The following ADGRL2 variants were observed in gnomAD, a reference collection of about 807,000 sequenced individuals.
ADGRL2 encodes the protein calcium-independent alpha-latrotoxin receptor 2.
In ADGRL2, 44 loss-of-function variants were observed where a neutral mutation model predicts 157.4. The ratio of observed to expected loss-of-function variants is 0.28; its 90% CI spans 0.22 to 0.36. The LOEUF (loss-of-function observed/expected upper bound fraction) is 0.36. Among genes scored for constraint, ADGRL2 ranks in the 10% least tolerant of loss-of-function variants. The probability of loss-of-function intolerance (pLI) is 1.00; values close to 1 mark genes in which losing one functional copy is unlikely to be tolerated. For missense variants in ADGRL2, 1,510 were observed against 1,768.9 expected (o/e 0.85, Z 2.63); for synonymous variants, 585 against 624.7 (o/e 0.94, Z 0.95).
At chr1:81,822,347 G>T (rs1490615402) in intron 1 of ADGRL2, among the ~76,000 whole-genome samples, 2 of 151,536 alleles carry the variant, frequency 1.3e-5, no homozygotes, top group Non-Finnish European at 2.9e-5. Flanking sequence ...AGGCTACCTT[G>T]TTAAGAAGTT....
intron 1 of ADGRL2, among the ~76,000 whole-genome samples, chr1:81,333,803 G>C (rs1021568024): frequency 3.3e-5 from 5 of 152,038 alleles, no homozygotes; most frequent in African/African-American, 9.7e-5. Flanking sequence ...AAATGTAATG[G>C]AAAGTTATAG....
At chr1:81,746,973 T>C (rs1431786290) in intron 1 of ADGRL2, among the ~76,000 whole-genome samples, 3 of 138,620 alleles carry the variant, frequency 2.2e-5, no homozygotes, top group African/African-American at 5.5e-5. Flanking sequence ...TACACACGTA[T>C]ACACACGTGT....
intron 3 of ADGRL2, among the ~76,000 whole-genome samples, chr1:81,675,178 T>A (rs992912973): frequency 4.1e-5 from 6 of 147,354 alleles, no homozygotes; most frequent in African/African-American, 1.5e-4. Context: ...AGAGCATAAC[T>A]TTTTTTGTTT....
At position 81,969,289 on chromosome 1, in the gene ADGRL2, C is replaced by A; in HGVS notation, c.2635C>A (p.Leu879Ile). 1 of 1,613,924 alleles carries A rather than the reference C, an allele frequency of 6.2e-7. No homozygotes were observed. Among genetic ancestry groups the A allele is most frequent in the Non-Finnish European group, 8.5e-7 (1 of 1,179,870 alleles). Residue 879 changes from leucine (L) to isoleucine (I), a missense_variant, in exon 15 of 24, where the codon CTA becomes ATA. Leu to Ile is a conservative substitution (Grantham distance 5). Coordinates refer to ENST00000686636, the MANE Select transcript of ADGRL2 (RefSeq NM_001366006.2). ...CTTCACCTTCTGCTTTTTCCGTGGC[C>A]TACAGAGTGACCGAAATACTATTCA... ...CIFTFCFFRG[L>I]QSDRNTIHKN...
intron 1 of ADGRL2, among the ~76,000 whole-genome samples, chr1:81,417,866 G>C (rs1013426360): frequency 6.6e-6 from 1 of 152,174 alleles, no homozygotes; most frequent in Admixed American, 6.5e-5. Context: ...GATTTCAGCT[G>C]ATATTAAATT....
At chr1:81,900,535 GAA>G (rs5775647) in intron 2 of ADGRL2, among the ~76,000 whole-genome samples, 26,656 of 150,808 alleles carry the variant, frequency 0.18, 3,518 homozygotes, top group East Asian at 0.63. Flanking sequence ...ACACTGTAGG[GAA>G]AAAAAAAAAT....
intron 2 of ADGRL2, among the ~76,000 whole-genome samples, chr1:81,900,886 G>A (rs1346404155): frequency 6.6e-6 from 1 of 152,006 alleles, no homozygotes; most frequent in African/African-American, 2.4e-5. Context: ...TGCAGACAGA[G>A]GTGATATCTA....
At chr1:81,442,949 T>G (rs1346897047) in intron 1 of ADGRL2, among the ~76,000 whole-genome samples, 1 of 152,220 alleles carries the variant, frequency 6.6e-6, no homozygotes, top group Non-Finnish European at 1.5e-5. Context: ...AAACTAAAAA[T>G]TATTGGTCTC....
intron 2 of ADGRL2, among the ~76,000 whole-genome samples, chr1:81,470,030 A>G (rs1183306839): frequency 6.6e-6 from 1 of 152,206 alleles, no homozygotes; most frequent in Non-Finnish European, 1.5e-5. Context: ...TGGATGACCA[A>G]GAGTCTCTCT....
chr1:81,566,139 A>G (rs1335501649), intron 2 of ADGRL2, among the ~76,000 whole-genome samples: 1 of 152,206 alleles, frequency 6.6e-6, no homozygotes, highest in African/African-American at 2.4e-5. Context: ...GTTTTCATAC[A>G]GAGAGTTATA....
chr1:81,601,945 TA>T (rs1464849880), intron 3 of ADGRL2, among the ~76,000 whole-genome samples: 1 of 152,106 alleles, frequency 6.6e-6, no homozygotes, highest in Non-Finnish European at 1.5e-5. Flanking sequence ...GAGATGATGT[TA>T]TGGGAAAAGA....
At chr1:81,733,404 G>A (rs1021807914) in intron 1 of ADGRL2, among the ~76,000 whole-genome samples, 4 of 152,194 alleles carry the variant, frequency 2.6e-5, no homozygotes, top group Non-Finnish European at 5.9e-5. Context: ...GGTTTCTTCT[G>A]AGCCCTTTCT....
At chr1:81,684,243 C>G (rs1013687067) in intron 3 of ADGRL2, among the ~76,000 whole-genome samples, 2 of 152,198 alleles carry the variant, frequency 1.3e-5, no homozygotes, top group Non-Finnish European at 2.9e-5. Flanking sequence ...AGTTTACATT[C>G]CCACCAGCAG....
At chr1:81,879,710 T>A (rs1273926743) in intron 2 of ADGRL2, among the ~76,000 whole-genome samples, 1 of 151,958 alleles carries the variant, frequency 6.6e-6, no homozygotes, top group Non-Finnish European at 1.5e-5. Context: ...CAAAAACAGG[T>A]CGTTTAAATA....
At chr1:81,778,439 T>A (rs1055702946) in intron 2 of ADGRL2, among the ~76,000 whole-genome samples, 1 of 150,970 alleles carries the variant, frequency 6.6e-6, no homozygotes, top group Admixed American at 6.6e-5. Context: ...GTATATCTAT[T>A]GTTCTGATAT....
At chr1:81,615,929 C>G (rs139521606) in intron 3 of ADGRL2, among the ~76,000 whole-genome samples, 1 of 152,130 alleles carries the variant, frequency 6.6e-6, no homozygotes, top group Non-Finnish European at 1.5e-5. Context: ...TATAGACACA[C>G]TTTCACCTGA....
intron 3 of ADGRL2, among the ~76,000 whole-genome samples, chr1:81,922,835 G>A (rs757481378): frequency 6.6e-6 from 1 of 152,076 alleles, no homozygotes; most frequent in African/African-American, 2.4e-5. Context: ...GACCAAAATA[G>A]TGAGACCCCA....
chr1:81,426,357 G>C (rs2077216171), intron 1 of ADGRL2: 1 of 279,680 alleles, frequency 3.6e-6, no homozygotes, highest in East Asian at 1.1e-4. Context: ...GAGAAAGTTA[G>C]AGAGGTCCTT....
chr1:81,950,338 G>C lies in ADGRL2; in HGVS notation c.1360G>C (p.Val454Leu). ...CAAAGGGACAAAACCACCTCCAGCAGTTTCTACAACCAAAATTCCACCTAT... is the reference window on the plus strand; with the variant it reads ...CAAAGGGACAAAACCACCTCCAGCACTTTCTACAACCAAAATTCCACCTAT... ...GSKGTKPPPA[V>L]STTKIPPITN... Residue 454 changes from valine (V) to leucine (L), a missense_variant, in exon 7 of 24, where the codon GTT (valine) becomes CTT (leucine). Transcript: ENST00000686636. 1.2e-6 allele frequency: 2 copies of C among 1,614,030 alleles called. No individual in the cohort carries two copies. Among genetic ancestry groups the C allele is most frequent in the Non-Finnish European group, 1.7e-6 (2 of 1,179,970 alleles).
Sources: allele counts gnomAD v4.1 joint callset (sites outside exome capture counted in the v4.1 genomes callset), GRCh38; gene constraint gnomAD v4.1.1; transcripts MANE v1.5; gene names NCBI Gene and HGNC (gene_info 2026-07-23, HGNC 2026-07-21).